The following ASAH2 variants were observed in gnomAD, a reference collection of about 807,000 sequenced individuals.
The protein encoded by ASAH2 is neutral ceramidase.
In ASAH2, 58 loss-of-function variants were observed where a neutral mutation model predicts 82.9. That is an observed-to-expected ratio of 0.70 (90% CI 0.57 to 0.87). ASAH2 has a LOEUF of 0.87. ASAH2 is among the 40% of genes least tolerant of loss of function. The pLI is 0.00. For synonymous variants in ASAH2, 276 were observed against 289.7 expected, an observed-to-expected ratio of 0.95 and a Z score of 0.48; for missense variants, 779 against 834.0, an observed-to-expected ratio of 0.93 and a Z score of 0.81.
In ASAH2 at chr10:50,206,012, T is replaced by C; in HGVS notation, c.1500A>G (p.Lys500=). 1 of 1,612,520 alleles carries C rather than the reference T, an allele frequency of 6.2e-7. No individual in the cohort carries two copies. Among genetic ancestry groups the C allele is most frequent in the Non-Finnish European group, 8.5e-7 (1 of 1,178,824 alleles). The change falls in exon 13 of 21, where the codon AAA becomes AAG. Residue 500 remains lysine, a synonymous_variant. Transcript: ENST00000682911. The part of the protein sequence containing the change: ...KPSEEIKECH[K]PKPILLHTGE... Reference sequence around the variant, plus strand: ...CGGTGTGAAGAAGGATGGGCTTTGGTTTATGACATTCTTTAATTTCTTCAG... The same window carrying C: ...CGGTGTGAAGAAGGATGGGCTTTGGCTTATGACATTCTTTAATTTCTTCAG...
chr10:50,215,617 T>C (rs1388181789), intron 8 of ASAH2, among the ~76,000 whole-genome samples: 7 of 152,136 alleles, frequency 4.6e-5, no homozygotes, highest in Non-Finnish European at 7.4e-5. Context: ...TGTAGATCTG[T>C]GGTGTTATTT....
chr10:50,204,294 G>T (rs1045480226), intron 14 of ASAH2, among the ~76,000 whole-genome samples: 3 of 151,974 alleles, frequency 2.0e-5, no homozygotes, highest in Non-Finnish European at 4.4e-5. Flanking sequence ...CAGACAGCAG[G>T]TTATTTCAAA....
At chr10:50,248,971 G>A (rs1846545515) in intron 1 of ASAH2, among the ~76,000 whole-genome samples, 1 of 152,146 alleles carries the variant, frequency 6.6e-6, no homozygotes, top group African/African-American at 2.4e-5. Context: ...TTCATTTATG[G>A]CGATGATGCT....
intron 7 of ASAH2, among the ~76,000 whole-genome samples, chr10:50,232,619 G>T (rs985681056): frequency 1.3e-5 from 2 of 152,110 alleles, no homozygotes; most frequent in Admixed American, 1.3e-4. Context: ...TTTCCTAAAT[G>T]CTGTCACTCC....
intron 7 of ASAH2, among the ~76,000 whole-genome samples, chr10:50,220,123 GAAAC>G (rs1219115759): frequency 6.6e-6 from 1 of 152,078 alleles, no homozygotes; most frequent in Non-Finnish European, 1.5e-5. Flanking sequence ...ACAACTATTT[GAAAC>G]AAACAAACAA....
intron 18 of ASAH2, among the ~76,000 whole-genome samples, chr10:50,195,076 C>A (rs1157162537): frequency 6.8e-6 from 1 of 147,072 alleles, no homozygotes; most frequent in Non-Finnish European, 1.5e-5. Flanking sequence ...TCTGCACAAC[C>A]AAAAAAACAA....
chr10:50,236,846 CTTA>C (rs1435899457), intron 4 of ASAH2, among the ~76,000 whole-genome samples: 1 of 152,092 alleles, frequency 6.6e-6, no homozygotes, highest in Non-Finnish European at 1.5e-5. Flanking sequence ...AACCAGTACT[CTTA>C]TTCATTCATC....
intron 10 of ASAH2, among the ~76,000 whole-genome samples, chr10:50,212,277 C>T (rs572349372): frequency 9.3e-4 from 141 of 151,768 alleles, no homozygotes; most frequent in African/African-American, 3.1e-3. Context: ...CATCTCAGTT[C>T]GAGGTAATTT....
chr10:50,231,036 G>T (rs1310244692), intron 7 of ASAH2, among the ~76,000 whole-genome samples: 5 of 141,574 alleles, frequency 3.5e-5, no homozygotes, highest in Non-Finnish European at 6.1e-5. Context: ...GCAAAAGCTT[G>T]TCTCAGGAAA....
At chr10:50,200,715 A>G (rs1427721926) in intron 16 of ASAH2, among the ~76,000 whole-genome samples, 1 of 152,206 alleles carries the variant, frequency 6.6e-6, no homozygotes, top group East Asian at 1.9e-4. Context: ...TATGCCCCAG[A>G]AAGTGGCTAG....
chr10:50,248,578 T>C lies in ASAH2; in HGVS notation c.33A>G (p.Thr11=), dbSNP rs368446245. ...TCATTACAAGGAGGAAAATCAGGAA[T>C]GTCTCCAAGTTAGAGAAGGTGCGTT... MAKRTFSNLE[T]FLIFLLVMMS... is the part of the protein sequence containing the mutation. Residue 11 remains threonine (T), a synonymous_variant, in exon 2 of 21, where the codon ACA becomes ACG. Coordinates refer to ENST00000682911, the MANE Select transcript of ASAH2 (RefSeq NM_019893.4). The C allele has an allele frequency of 5.0e-6, 8 of 1,613,610 alleles. No individual in the cohort carries two copies. Among genetic ancestry groups the C allele is most frequent in the Middle Eastern group, 1.6e-4 (1 of 6,082 alleles).
chr10:50,227,472 T>C (rs1219362414), intron 7 of ASAH2, among the ~76,000 whole-genome samples: 2 of 152,214 alleles, frequency 1.3e-5, no homozygotes, highest in Admixed American at 6.5e-5. Flanking sequence ...TCTTATTATA[T>C]GTTCCACATA....
rs1272785683 is a variant in ASAH2, at chr10:50,206,062, G to A, written c.1450C>T (p.Arg484Trp). The change falls in exon 13 of 21, where the codon CGG becomes TGG. Residue 484 changes from arginine to tryptophan, a missense_variant. Around this residue, in one of 3 missense-constraint regions of ASAH2, gnomAD observed 759 missense variants for 755.2 expected, o/e 1.00. Transcript: ENST00000682911. The stretch of plus-strand genomic sequence containing the variant: ...GATGGCTTTCCCAGGATCTGGTCCC[G>A]AATGGTGTCCCAAAATGGATCCCCT... ...TEGDPFWDTI[R>W]DQILGKPSEE... is the part of the protein sequence containing the mutation. The A allele has an allele frequency of 3.8e-5, 62 of 1,612,394 alleles. No individual in the cohort carries two copies. Among genetic ancestry groups the A allele is most frequent in the Admixed American group, 2.0e-4 (12 of 59,892 alleles).
chr10:50,204,718 G>T, intron 14 of ASAH2, 143 bp downstream of exon 14: 1 of 666,228 alleles, frequency 1.5e-6, no homozygotes, highest in Non-Finnish European at 2.6e-6. Flanking sequence ...GCAAAAGAGG[G>T]TAGGAATATT....
At position 50,210,830 on chromosome 10, in the gene ASAH2, A is replaced by G. The variant is rs2133206544; in HGVS notation, c.1407T>C (p.Phe469=). 6.2e-7 allele frequency: 1 copy of G among 1,611,918 alleles called. No individual in the cohort carries two copies. Among genetic ancestry groups the G allele is most frequent in the Non-Finnish European group, 8.5e-7 (1 of 1,177,952 alleles). Residue 469 remains phenylalanine, a synonymous_variant, in exon 12 of 21, where the codon TTT becomes TTC. Transcript: ENST00000682911. ...GTIDGVGGLN[F]TQGKTEGDPF... is the part of the protein sequence containing the mutation. ...TACTGGACTTCACCTTACCCTGTGT[A>G]AAATTGAGGCCTCCAACTCCATCAA... is the stretch of plus-strand genomic sequence containing the variant.
In ASAH2 at chr10:50,204,965, C is replaced by T; in HGVS notation, c.1531-10G>A. On this transcript the variant is annotated splice_polypyrimidine_tract_variant and intron_variant, in intron 13 of 20. Coordinates refer to ENST00000682911, the MANE Select transcript of ASAH2 (RefSeq NM_019893.4). ...GGTGAGGTTTTGATAGCTGAGAACC[C>T]AAAACAAGAAAATTATGTTAGGGAT... is the stretch of plus-strand genomic sequence containing the variant. The T allele has an allele frequency of 6.3e-7, 1 of 1,585,346 alleles. No homozygotes were observed. The highest frequency in any genetic ancestry group is 8.6e-7 in the Non-Finnish European group (1 of 1,161,748).
At position 50,234,480 on chromosome 10, in the gene ASAH2, G is replaced by C; in HGVS notation, c.760C>G (p.Gln254Glu). ...TAAGAATACGGACTTCTGTTGATCT[G>C]CACACCATCCACATTTCCTTTATTG... is the stretch of plus-strand genomic sequence containing the variant. ...FINKGNVDGV[Q>E]INRSPYSYLQ... The change falls in exon 6 of 21, where the codon CAG (glutamine) becomes GAG (glutamate). Residue 254 changes from glutamine to glutamate, a missense_variant. Physicochemically the swap from Gln to Glu is conservative, Grantham distance 29. Coordinates refer to ENST00000682911, the MANE Select transcript of ASAH2 (RefSeq NM_019893.4). 2 of 1,612,940 alleles carry C rather than the reference G, an allele frequency of 1.2e-6. No individual in the cohort carries two copies. Among genetic ancestry groups the C allele is most frequent in the Non-Finnish European group, 1.7e-6 (2 of 1,179,284 alleles).
intron 7 of ASAH2, among the ~76,000 whole-genome samples, chr10:50,229,563 A>G (rs1388255078): frequency 2.0e-5 from 3 of 152,138 alleles, no homozygotes; most frequent in Non-Finnish European, 2.9e-5. Flanking sequence ...CCCAAGTTTG[A>G]AACACTTTAA....
chr10:50,235,839 A>G, intron 5 of ASAH2, 49 bp downstream of exon 5: 1 of 1,584,694 alleles, frequency 6.3e-7, no homozygotes, highest in Non-Finnish European at 8.7e-7. Flanking sequence ...CTCCTAAAAT[A>G]CCTGTAAGCA....
Sources: gnomAD v4.1 joint callset for allele counts (sites outside exome capture counted in the v4.1 genomes callset) on GRCh38, gnomAD v4.1.1 for gene constraint, gnomAD v4.1.1 regional missense constraint, MANE v1.5 for transcripts, NCBI Gene and HGNC (gene_info 2026-07-23, HGNC 2026-07-21) for gene names.